LRRTM4: variants seen among roughly 807,000 people sequenced by gnomAD.
LRRTM4 encodes leucine rich repeat transmembrane neuronal 4.
A neutral mutation model predicts 47.6 loss-of-function variants in LRRTM4; 25 were observed. That is an observed-to-expected ratio of 0.53 (90% CI 0.38 to 0.73). LRRTM4 has a LOEUF of 0.73. Among genes scored for constraint, LRRTM4 ranks in the 30% least tolerant of loss-of-function variants. The probability of loss-of-function intolerance (pLI) is 0.00; values close to 1 mark genes in which losing one functional copy is unlikely to be tolerated. For missense variants in LRRTM4, 638 were observed against 713.4 expected, an observed-to-expected ratio of 0.89 and a Z score of 1.20; for synonymous variants, 311 against 269.5, an observed-to-expected ratio of 1.15 and a Z score of -1.51.
intron 3 of LRRTM4, among the ~76,000 whole-genome samples, chr2:77,195,316 A>ACT (rs1673789848): frequency 6.6e-6 from 1 of 151,984 alleles, no homozygotes; most frequent in Admixed American, 6.6e-5. Flanking sequence ...AAATATTTAT[A>ACT]GATTTTTCTT....
chr2:77,170,840 TTATATA>T (rs150252583), intron 3 of LRRTM4, among the ~76,000 whole-genome samples: 1 of 149,176 alleles, frequency 6.7e-6, no homozygotes, highest in East Asian at 1.9e-4. Flanking sequence ...GTATAAAACC[TTATATA>T]TATATATATA....
intron 3 of LRRTM4, among the ~76,000 whole-genome samples, chr2:77,506,442 G>A (rs1368211187): frequency 6.6e-6 from 1 of 151,656 alleles, no homozygotes; most frequent in African/African-American, 2.4e-5. Context: ...TTCAAAGACT[G>A]TTTAGATTCC....
chr2:76,935,444 TA>T lies in LRRTM4; in HGVS notation c.1552-186529del, dbSNP rs750351991. On this transcript the variant is annotated intron_variant, in intron 3 of 3. Coordinates refer to ENST00000409884, the MANE Select transcript of LRRTM4 (RefSeq NM_001134745.3). The stretch of plus-strand genomic sequence containing the variant: ...TGCATCTATAAATTACTTTGGGCAG[TA>T]TGGCCATTTTCACGATACTGAGTCT... Among the ~76,000 whole-genome samples the T allele has an allele frequency of 7.3e-4, 111 of 152,288 alleles. 1 individual carries two copies. The highest frequency in any genetic ancestry group is 1.2e-3 in the Non-Finnish European group (84 of 68,012).
intron 3 of LRRTM4, among the ~76,000 whole-genome samples, chr2:76,986,660 G>T (rs9808165): frequency 0.062 from 9,444 of 151,902 alleles, 888 homozygotes; most frequent in African/African-American, 0.21. Flanking sequence ...CTGGCACATA[G>T]AATAAGTTTG....
intron 3 of LRRTM4, among the ~76,000 whole-genome samples, chr2:77,028,315 G>A (rs1263248439): frequency 1.3e-5 from 2 of 152,144 alleles, no homozygotes; most frequent in Admixed American, 6.6e-5. Flanking sequence ...CCAAAAGCAT[G>A]AATGGAAATC....
intron 3 of LRRTM4, among the ~76,000 whole-genome samples, chr2:76,971,886 C>T (rs1190011754): frequency 6.6e-6 from 1 of 151,828 alleles, no homozygotes; most frequent in African/African-American, 2.4e-5. Context: ...GTAATAAAAA[C>T]TTTTTAATAG....
intron 3 of LRRTM4, among the ~76,000 whole-genome samples, chr2:77,406,050 CA>C (rs1674168771): frequency 6.6e-6 from 1 of 152,086 alleles, no homozygotes; most frequent in South Asian, 2.1e-4. Context: ...AATTAATGAA[CA>C]AAATCCCCAT....
chr2:77,353,181 A>G (rs1163923964), intron 3 of LRRTM4, among the ~76,000 whole-genome samples: 2 of 152,216 alleles, frequency 1.3e-5, no homozygotes, highest in Non-Finnish European at 2.9e-5. Flanking sequence ...AGTATAATCA[A>G]GATAATTTTA....
chr2:77,403,885 T>TATATA (rs893824593), intron 3 of LRRTM4, among the ~76,000 whole-genome samples: 2 of 150,278 alleles, frequency 1.3e-5, no homozygotes, highest in African/African-American at 5.0e-5. Context: ...TATATATATA[T>TATATA]TTTAGGAAAG....
intron 3 of LRRTM4, among the ~76,000 whole-genome samples, chr2:76,977,639 C>G (rs913038697): frequency 1.3e-5 from 2 of 151,910 alleles, no homozygotes; most frequent in Admixed American, 1.3e-4. Context: ...TAGGTCCACA[C>G]AGTCATAACT....
intron 3 of LRRTM4, among the ~76,000 whole-genome samples, chr2:76,898,753 A>G (rs1298623602): frequency 2.6e-5 from 4 of 151,274 alleles, no homozygotes; most frequent in Non-Finnish European, 5.9e-5. Flanking sequence ...TGTGTTAGAA[A>G]AGGTATAGAA....
At chr2:77,027,690 T>G (rs1678502725) in intron 3 of LRRTM4, among the ~76,000 whole-genome samples, 1 of 152,208 alleles carries the variant, frequency 6.6e-6, no homozygotes, top group Non-Finnish European at 1.5e-5. Context: ...AAAGGATAAT[T>G]TCATCTAGTT....
intron 3 of LRRTM4, among the ~76,000 whole-genome samples, chr2:76,818,790 C>A (rs960865546): frequency 4.6e-5 from 7 of 151,568 alleles, no homozygotes; most frequent in South Asian, 2.1e-4. Context: ...TTCAAAAAAA[C>A]CAGTTAATCC....
At chr2:76,975,521 A>G (rs906557236) in intron 3 of LRRTM4, among the ~76,000 whole-genome samples, 1 of 151,688 alleles carries the variant, frequency 6.6e-6, no homozygotes, top group Admixed American at 6.6e-5. Context: ...GCAAAATATT[A>G]TCACCTCTAA....
At chr2:77,026,374 G>C (rs1678454291) in intron 3 of LRRTM4, among the ~76,000 whole-genome samples, 1 of 152,078 alleles carries the variant, frequency 6.6e-6, no homozygotes, top group African/African-American at 2.4e-5. Flanking sequence ...GGAAGGTAGA[G>C]CTCAGAATCA....
At chr2:76,925,099 T>G (rs1039016797) in intron 3 of LRRTM4, among the ~76,000 whole-genome samples, 17 of 152,000 alleles carry the variant, frequency 1.1e-4, no homozygotes, top group African/African-American at 4.1e-4. Context: ...GAAAAAAAGG[T>G]AAAGATGTAA....
intron 3 of LRRTM4, among the ~76,000 whole-genome samples, chr2:77,380,143 C>T (rs1488927180): frequency 6.6e-6 from 1 of 152,088 alleles, no homozygotes; most frequent in Non-Finnish European, 1.5e-5. Flanking sequence ...TACTTTACAA[C>T]AAGGGCAACT....
intron 3 of LRRTM4, among the ~76,000 whole-genome samples, chr2:77,015,806 T>G (rs1306723605): frequency 6.6e-6 from 1 of 152,006 alleles, no homozygotes; most frequent in Non-Finnish European, 1.5e-5. Flanking sequence ...CCAAGGAGGA[T>G]AAGAGAACAT....
chr2:77,156,641 T>C (rs1672567721), intron 3 of LRRTM4, among the ~76,000 whole-genome samples: 1 of 151,640 alleles, frequency 6.6e-6, no homozygotes, highest in African/African-American at 2.4e-5. Flanking sequence ...AACAAATGCA[T>C]TTGAACATGA....
Sources: allele counts gnomAD v4.1 joint callset (sites outside exome capture counted in the v4.1 genomes callset), GRCh38; gene constraint gnomAD v4.1.1; transcripts MANE v1.5; gene names NCBI Gene and HGNC (gene_info 2026-07-23, HGNC 2026-07-21).